The following VLDLR variants were observed in gnomAD, a reference collection of about 807,000 sequenced individuals.
The protein encoded by VLDLR is very low-density lipoprotein receptor.
VLDLR carries 81 observed loss-of-function variants against 112.7 expected under a neutral mutation model. The observed-to-expected ratio is 0.72, with a 90% CI of 0.60 to 0.86. The LOEUF is 0.86. Ranked by LOEUF, VLDLR falls within the 40% of genes least tolerant of loss-of-function variation. The pLI is 0.00. For missense variants in VLDLR, 1,237 were observed against 1,099.4 expected, an observed-to-expected ratio of 1.13 and a Z score of -1.77; for synonymous variants, 436 against 384.8, an observed-to-expected ratio of 1.13 and a Z score of -1.56.
intron 1 of VLDLR, among the ~76,000 whole-genome samples, chr9:2,624,673 G>C (rs1331150900): frequency 6.6e-6 from 1 of 152,224 alleles, no homozygotes; most frequent in African/African-American, 2.4e-5. Context: ...GAAGTGGGTT[G>C]GTGGTACTGG....
At chr9:2,640,424 A>T (rs1405030279) in intron 3 of VLDLR, among the ~76,000 whole-genome samples, 1 of 152,334 alleles carries the variant, frequency 6.6e-6, no homozygotes, top group East Asian at 1.9e-4. Flanking sequence ...GTAGCTAGTA[A>T]TTGGGTGATA....
At chr9:2,627,119 G>A (rs1817130431) in intron 1 of VLDLR, among the ~76,000 whole-genome samples, 1 of 152,156 alleles carries the variant, frequency 6.6e-6, no homozygotes, top group South Asian at 2.1e-4. Flanking sequence ...GCAGGAAACA[G>A]CCAAAGACCG....
In VLDLR at chr9:2,640,425, T is replaced by C. The variant is rs564603719; in HGVS notation, c.325+444T>C. On this transcript the variant is annotated intron_variant, in intron 3 of 18. Transcript: ENST00000382100. ...ACTGAAGAGGTAAGGTAGCTAGTAA[T>C]TGGGTGATATAGTGACTCCTGACAC... is the stretch of plus-strand genomic sequence containing the variant. Among the ~76,000 whole-genome samples, 14 of 152,280 alleles carry C rather than the reference T, an allele frequency of 9.2e-5. No homozygotes were observed. The East Asian group carries it at 2.3e-3, about 25-fold the overall frequency.
At chr9:2,652,301 T>G (rs17712698) in intron 17 of VLDLR, among the ~76,000 whole-genome samples, 2 of 152,158 alleles carry the variant, frequency 1.3e-5, no homozygotes, top group Non-Finnish European at 2.9e-5. Context: ...ACAGAGGAGA[T>G]GCACAAATGC....
chr9:2,643,657 G>C lies in VLDLR; in HGVS notation c.850G>C (p.Glu284Gln), dbSNP rs1366339402. Residue 284 changes from glutamate to glutamine, a missense_variant, in exon 6 of 19, where the codon GAA (glutamate) becomes CAA (glutamine). By Grantham distance (29) the Glu-to-Gln change is conservative (BLOSUM62 2). Transcript: ENST00000382100. ...TCGAACTTGCCGACCTGACCAATTT[G>C]AATGTGAGGATGGCAGCTGCATCCA... ...PSRTCRPDQF[E>Q]CEDGSCIHGS... 6.2e-7 allele frequency: 1 copy of C among 1,614,178 alleles called. No individual in the cohort carries two copies. The highest frequency in any genetic ancestry group is 1.7e-5 in the Admixed American group (1 of 60,018).
chr9:2,627,657 G>T lies in VLDLR; in HGVS notation c.82+5386G>T, dbSNP rs548237417. ...AGGCAGGCAGATCACGAGGTCAGGA[G>T]TTCGAGACCAGCCTGGCCAACATAG... is the stretch of plus-strand genomic sequence containing the variant. On this transcript the variant is annotated intron_variant, in intron 1 of 18. Transcript: ENST00000382100. 9.2e-5 allele frequency among the ~76,000 whole-genome samples: 14 copies of T among 152,188 alleles called. No homozygotes were observed. The South Asian group carries it at 2.9e-3, about 32-fold the overall frequency.
chr9:2,643,723 G>A lies in VLDLR; in HGVS notation c.916G>A (p.Gly306Ser). ...TAATGGTATCCGAGACTGTGTCGAT[G>A]GTTCCGATGAAGTCAACTGCAAAAA... The part of the protein sequence containing the change: ...QCNGIRDCVD[G>S]SDEVNCKNVN... The change falls in exon 6 of 19, where the codon GGT (glycine) becomes AGT (serine). Residue 306 changes from glycine to serine, a missense_variant. Transcript: ENST00000382100. 1 of 1,614,196 alleles carries A rather than the reference G, an allele frequency of 6.2e-7. No individual in the cohort carries two copies. Among genetic ancestry groups the A allele is most frequent in the Non-Finnish European group, 8.5e-7 (1 of 1,180,042 alleles).
At position 2,647,523 on chromosome 9, in the gene VLDLR, G is replaced by A; in HGVS notation, c.1753G>A (p.Gly585Arg). The A allele has an allele frequency of 6.2e-7, 1 of 1,614,130 alleles. No individual in the cohort carries two copies. The highest frequency in any genetic ancestry group is 8.5e-7 in the Non-Finnish European group (1 of 1,180,000). ...TGAACCAGCTAAAATAGAAAAAGCA[G>A]GAATGAATGGATTCGATAGACGTCC... ...WGEPAKIEKAGMNGFDRRPLV... is the reference protein window; with the variant it reads ...WGEPAKIEKARMNGFDRRPLV... Residue 585 changes from glycine to arginine, a missense_variant, in exon 12 of 19, where the codon GGA becomes AGA. Physicochemically the swap from Gly to Arg is moderately radical, Grantham distance 125. Transcript: ENST00000382100.
chr9:2,649,064 T>C (rs957744685), intron 14 of VLDLR, among the ~76,000 whole-genome samples: 1 of 152,216 alleles, frequency 6.6e-6, no homozygotes, highest in African/African-American at 2.4e-5. Flanking sequence ...TTCATTCATG[T>C]CCCCTTGGCC....
Position 2,621,859 on chromosome 9 carries a change from T to G in VLDLR, c.-331T>G, listed in dbSNP as rs1000123214. ...CTCTCCGTTCTGTGCTCTCTTCTGC[T>G]CTCGGCTCCCCACCCCCTCTCCCTT... On this transcript the variant is annotated 5_prime_UTR_variant, in exon 1 of 19. Coordinates refer to ENST00000382100, the MANE Select transcript of VLDLR (RefSeq NM_003383.5). 2 of 558,460 alleles carry G rather than the reference T, an allele frequency of 3.6e-6. No individual in the cohort carries two copies. The highest frequency in any genetic ancestry group is 6.8e-6 in the Non-Finnish European group (2 of 295,148). 34.6% of individuals were successfully genotyped at this position (558,460 alleles called of 1,614,324 possible). A position where few individuals can be genotyped will look rare whatever the true frequency, so the allele number is the denominator to read the frequency against.
intron 1 of VLDLR, among the ~76,000 whole-genome samples, chr9:2,630,885 G>C (rs1033667589): frequency 1.3e-5 from 2 of 152,134 alleles, no homozygotes; most frequent in Non-Finnish European, 2.9e-5. Context: ...ACAAAGTGAA[G>C]AACAACCTGC....
chr9:2,643,352 A>G lies in VLDLR; in HGVS notation c.641A>G (p.Asp214Gly). ...ATCCCCATCAGCTGGGTATGCGACG[A>G]TGATGCAGACTGCTCCGACCAATCT... is the stretch of plus-strand genomic sequence containing the variant. ...SCIPISWVCD[D>G]DADCSDQSDE... Residue 214 changes from aspartate to glycine, a missense_variant, in exon 5 of 19, where the codon GAT (aspartate) becomes GGT (glycine). Coordinates refer to ENST00000382100, the MANE Select transcript of VLDLR (RefSeq NM_003383.5). The G allele has an allele frequency of 1.2e-6, 2 of 1,614,110 alleles. No individual in the cohort carries two copies. The highest frequency in any genetic ancestry group is 2.2e-5 in the South Asian group (2 of 91,076).
chr9:2,651,310 A>G (rs370762020), intron 15 of VLDLR, 105 bp from the exon 16 acceptor site: 204 of 950,178 alleles, frequency 2.1e-4, no homozygotes, highest in South Asian at 4.5e-4. Flanking sequence ...TGGTTTGTCT[A>G]TTTTACCTGG....
chr9:2,632,877 G>C (rs963469429), intron 1 of VLDLR, among the ~76,000 whole-genome samples: 9 of 152,140 alleles, frequency 5.9e-5, no homozygotes. Flanking sequence ...AAGAGGCATA[G>C]CCATAAAGCT....
Position 2,622,229 on chromosome 9 carries a change from G to T in VLDLR, c.40G>T (p.Ala14Ser). 6.6e-7 allele frequency: 1 copy of T among 1,506,294 alleles called. No homozygotes were observed. Among genetic ancestry groups the T allele is most frequent in the Non-Finnish European group, 8.8e-7 (1 of 1,134,418 alleles). 93.3% of individuals were successfully genotyped at this position (1,506,294 alleles called of 1,614,324 possible). The stretch of plus-strand genomic sequence containing the variant: ...GCTCTGGGCGCTCTGGCTGCTGCTC[G>T]CGCTGTGCTGGGCGCCCCGGGAGAG... Reference protein sequence around the residue: ...SALWALWLLLALCWAPRESGA... With the variant: ...SALWALWLLLSLCWAPRESGA... Residue 14 changes from alanine to serine, a missense_variant, in exon 1 of 19, where the codon GCG becomes TCG. Coordinates refer to ENST00000382100, the MANE Select transcript of VLDLR (RefSeq NM_003383.5).
intron 1 of VLDLR, among the ~76,000 whole-genome samples, chr9:2,624,402 G>C (rs1177143785): frequency 6.6e-6 from 1 of 152,172 alleles, no homozygotes; most frequent in Non-Finnish European, 1.5e-5. Flanking sequence ...ACATGGTGCT[G>C]TTCCACAATA....
At chr9:2,642,904 T>A (rs1817887823) in intron 4 of VLDLR, among the ~76,000 whole-genome samples, 1 of 152,184 alleles carries the variant, frequency 6.6e-6, no homozygotes, top group Non-Finnish European at 1.5e-5. Flanking sequence ...TCAATTGTGG[T>A]TCTCATCTCA....
intron 1 of VLDLR, among the ~76,000 whole-genome samples, chr9:2,633,005 C>A (rs1817426153): frequency 6.7e-6 from 1 of 149,488 alleles, no homozygotes. Context: ...ACACTGTACT[C>A]CTAATGCCTG....
chr9:2,621,933 C>A lies in VLDLR; in HGVS notation c.-257C>A. 1.5e-6 allele frequency: 1 copy of A among 648,286 alleles called. No individual in the cohort carries two copies. Among genetic ancestry groups the A allele is most frequent in the East Asian group, 3.1e-5 (1 of 32,430 alleles). 40.2% of individuals were successfully genotyped at this position (648,286 alleles called of 1,614,324 possible). On this transcript the variant is annotated 5_prime_UTR_variant, in exon 1 of 19. It adds an upstream start codon to the 5' untranslated region. Transcript: ENST00000382100. Reference sequence around the variant, plus strand: ...TCCTCTGCAGCGCCTGCATTATTTTCTGCCCGCAGGCTCGGCTTGCACTGC... The same window carrying A: ...TCCTCTGCAGCGCCTGCATTATTTTATGCCCGCAGGCTCGGCTTGCACTGC...
Sources: gnomAD v4.1 joint callset for allele counts (sites outside exome capture counted in the v4.1 genomes callset) on GRCh38, gnomAD v4.1.1 for gene constraint, MANE v1.5 for transcripts, NCBI Gene and HGNC (gene_info 2026-07-23, HGNC 2026-07-21) for gene names.